Variants in RIMS2 observed in about 807,000 individuals in gnomAD.
RIMS2 encodes the protein regulating synaptic membrane exocytosis 2.
A neutral mutation model predicts 174.4 loss-of-function variants in RIMS2; 59 were observed. The ratio of observed to expected loss-of-function variants is 0.34; its 90% CI spans 0.27 to 0.42. The LOEUF (loss-of-function observed/expected upper bound fraction) is 0.42, where lower values mean the gene tolerates loss of function less well. RIMS2 is among the 10% of genes least tolerant of loss of function. RIMS2 has a pLI of 1.00. For missense variants in RIMS2, 1,620 were observed against 1,666.3 expected (o/e 0.97, Z 0.48); for synonymous variants, 606 against 572.5 (o/e 1.06, Z -0.84).
intron 3 of RIMS2, among the ~76,000 whole-genome samples, chr8:103,831,962 A>C (rs147287404): frequency 3.9e-5 from 6 of 152,356 alleles, no homozygotes; most frequent in African/African-American, 1.4e-4. Context: ...TCATGGGTCT[A>C]ACCCTTAGTT....
intron 19 of RIMS2, among the ~76,000 whole-genome samples, chr8:104,193,802 C>T (rs1301754184): frequency 6.6e-6 from 1 of 152,136 alleles, no homozygotes; most frequent in Non-Finnish European, 1.5e-5. Flanking sequence ...TATAAATTTC[C>T]TATTCCTAAC....
chr8:103,741,718 T>A (rs2097763512), intron 2 of RIMS2, among the ~76,000 whole-genome samples: 1 of 152,130 alleles, frequency 6.6e-6, no homozygotes, highest in Admixed American at 6.5e-5. Flanking sequence ...ACAGTTACTG[T>A]TGATAAAGTT....
chr8:103,626,289 A>G (rs534558701), intron 1 of RIMS2, among the ~76,000 whole-genome samples: 2 of 152,270 alleles, frequency 1.3e-5, no homozygotes, highest in Admixed American at 6.5e-5. Flanking sequence ...AAAGCTGTCA[A>G]CCTCTTCTGT....
Position 103,555,476 on chromosome 8 carries a change from A to G in RIMS2, c.176+54414A>G, listed in dbSNP as rs545056214. 9.2e-5 allele frequency among the ~76,000 whole-genome samples: 14 copies of G among 152,300 alleles called. No individual in the cohort carries two copies. The South Asian group carries it at 1.9e-3, about 20-fold the overall frequency. On this transcript the variant is annotated intron_variant, in intron 1 of 23. Coordinates refer to ENST00000504942, the Ensembl canonical transcript of RIMS2. Reference sequence around the variant, plus strand: ...TATGGAGGTTCCTCAACAAACTAGAAAGAGAACTAACATATGATATAGCAG... The same window carrying G: ...TATGGAGGTTCCTCAACAAACTAGAGAGAGAACTAACATATGATATAGCAG...
intron 2 of RIMS2, among the ~76,000 whole-genome samples, chr8:103,738,961 G>C (rs998707988): frequency 6.6e-6 from 1 of 152,202 alleles, no homozygotes; most frequent in African/African-American, 2.4e-5. Flanking sequence ...CATTGTGGAA[G>C]ACAGTGTGGC....
chr8:103,579,674 A>G (rs1209985055), intron 1 of RIMS2, among the ~76,000 whole-genome samples: 1 of 152,148 alleles, frequency 6.6e-6, no homozygotes, highest in Non-Finnish European at 1.5e-5. Flanking sequence ...TATAAGCTTC[A>G]TGGTAACCAC....
At chr8:104,002,956 T>G (rs1034333453) in intron 17 of RIMS2, among the ~76,000 whole-genome samples, 1 of 152,216 alleles carries the variant, frequency 6.6e-6, no homozygotes, top group Non-Finnish European at 1.5e-5. Context: ...TTTGATTCAT[T>G]GTGCATTTTT....
At position 104,249,709 on chromosome 8, in the gene RIMS2, A is replaced by G. The variant is rs1157871596; in HGVS notation, c.3691+121A>G. ...CAAGATTACTAATGGATGGTCCATT[A>G]TGACTGGTCTGGTGCTGGAGTCATT... On this transcript the variant is annotated intron_variant, in intron 22 of 23. Coordinates refer to ENST00000504942, the Ensembl canonical transcript of RIMS2. 2.3e-5 allele frequency: 14 copies of G among 619,318 alleles called. No individual in the cohort carries two copies. The Admixed American group carries it at 2.4e-4, about 11-fold the overall frequency. 38.4% of individuals were successfully genotyped at this position (619,318 alleles called of 1,614,324 possible).
At chr8:104,135,849 G>T (rs985383455) in intron 19 of RIMS2, among the ~76,000 whole-genome samples, 4 of 152,084 alleles carry the variant, frequency 2.6e-5, no homozygotes, top group Non-Finnish European at 5.9e-5. Context: ...AGGGCTCAAG[G>T]TTCTCAAAAT....
At chr8:103,854,934 T>A (rs2099019347) in intron 3 of RIMS2, among the ~76,000 whole-genome samples, 1 of 152,094 alleles carries the variant, frequency 6.6e-6, no homozygotes, top group South Asian at 2.1e-4. Context: ...TTAGGATTGG[T>A]ATTAGTTCTT....
At chr8:104,033,207 T>C (rs2096438216) in intron 19 of RIMS2, among the ~76,000 whole-genome samples, 1 of 151,996 alleles carries the variant, frequency 6.6e-6, no homozygotes, top group South Asian at 2.1e-4. Context: ...TTTTCAAATC[T>C]TCAGTTCATA....
intron 1 of RIMS2, among the ~76,000 whole-genome samples, chr8:103,506,259 T>C (rs1246616136): frequency 6.6e-6 from 1 of 152,076 alleles, no homozygotes; most frequent in Non-Finnish European, 1.5e-5. Flanking sequence ...AATTTATATA[T>C]ATTCTATTTT....
At chr8:103,643,716 A>G (rs1170453068) in intron 1 of RIMS2, among the ~76,000 whole-genome samples, 1 of 151,966 alleles carries the variant, frequency 6.6e-6, no homozygotes, top group Non-Finnish European at 1.5e-5. Flanking sequence ...TTCACCTGTT[A>G]TTATATAAGA....
At chr8:104,123,907 T>C (rs1408659388) in intron 19 of RIMS2, among the ~76,000 whole-genome samples, 1 of 152,046 alleles carries the variant, frequency 6.6e-6, no homozygotes, top group African/African-American at 2.4e-5. Context: ...CATGAAAAAA[T>C]TCTAAAGTGG....
chr8:104,125,844 AT>A (rs1190708939), intron 19 of RIMS2, among the ~76,000 whole-genome samples: 1 of 152,176 alleles, frequency 6.6e-6, no homozygotes, highest in East Asian at 1.9e-4. Flanking sequence ...GCTAAATCTA[AT>A]TTTTATATTT....
chr8:103,752,144 G>T (rs1041429216), intron 2 of RIMS2, among the ~76,000 whole-genome samples: 1 of 152,142 alleles, frequency 6.6e-6, no homozygotes, highest in Non-Finnish European at 1.5e-5. Context: ...GTAAGGAAGG[G>T]ATCCAGTTTC....
chr8:104,005,408 A>C (rs891838738), intron 17 of RIMS2, among the ~76,000 whole-genome samples: 4 of 152,192 alleles, frequency 2.6e-5, no homozygotes, highest in African/African-American at 9.6e-5. Flanking sequence ...TGAAGGCTAC[A>C]ATGGAAGCAG....
At chr8:103,679,252 C>T (rs1484449824) in intron 1 of RIMS2, among the ~76,000 whole-genome samples, 1 of 151,940 alleles carries the variant, frequency 6.6e-6, no homozygotes, top group Non-Finnish European at 1.5e-5. Flanking sequence ...TAAATCTTAT[C>T]TTATGAGGAG....
intron 6 of RIMS2, among the ~76,000 whole-genome samples, chr8:103,912,429 A>T (rs1394559008): frequency 6.6e-6 from 1 of 152,152 alleles, no homozygotes; most frequent in Non-Finnish European, 1.5e-5. Context: ...ATCTACTTGA[A>T]TCTTAAATAC....
Sources: allele counts gnomAD v4.1 joint callset (sites outside exome capture counted in the v4.1 genomes callset), GRCh38; gene constraint gnomAD v4.1.1; transcripts MANE v1.5; gene names NCBI Gene and HGNC (gene_info 2026-07-23, HGNC 2026-07-21).